The following TET1 variants were observed in gnomAD, a reference collection of about 807,000 sequenced individuals.
The protein encoded by TET1 is methylcytosine dioxygenase TET1.
Under a neutral mutation model 148.7 loss-of-function variants are expected in TET1, and 13 were observed. The ratio of observed to expected loss-of-function variants is 0.09; its 90% CI spans 0.06 to 0.14. The LOEUF is 0.14. TET1 is among the 10% of genes least tolerant of loss of function. TET1 has a pLI of 1.00. For missense variants in TET1, 2,182 were observed against 2,553.8 expected (o/e 0.85, Z 3.14); for synonymous variants, 907 against 937.2 (o/e 0.97, Z 0.59).
chr10:68,676,414 G>T (rs948404658), intron 8 of TET1, among the ~76,000 whole-genome samples: 11 of 150,562 alleles, frequency 7.3e-5, no homozygotes, highest in African/African-American at 2.5e-4. Flanking sequence ...CTCCCAAGTG[G>T]CTGGGACTAC....
intron 6 of TET1, among the ~76,000 whole-genome samples, chr10:68,665,529 T>G (rs1031529984): frequency 6.6e-6 from 1 of 152,182 alleles, no homozygotes; most frequent in Non-Finnish European, 1.5e-5. Context: ...CTCCTAACCA[T>G]TGTGCTTAAT....
At chr10:68,624,619 T>G in intron 3 of TET1, among the ~76,000 whole-genome samples, 1 of 31,274 alleles carries the variant, frequency 3.2e-5, no homozygotes, top group Admixed American at 3.7e-4. Flanking sequence ...TTTCTTTCTT[T>G]CTTTCTTTCT....
chr10:68,687,421 C>G (rs1192349039), intron 11 of TET1, among the ~76,000 whole-genome samples: 1 of 151,994 alleles, frequency 6.6e-6, no homozygotes, highest in South Asian at 2.1e-4. Context: ...TAATTCGAAG[C>G]CCTACTCGTT....
intron 3 of TET1, among the ~76,000 whole-genome samples, chr10:68,607,406 A>C (rs538451919): frequency 9.1e-6 from 1 of 109,776 alleles, no homozygotes; most frequent in Admixed American, 9.5e-5. Context: ...TTTGGATCTT[A>C]AGTTTTTTTT....
intron 6 of TET1, among the ~76,000 whole-genome samples, chr10:68,664,303 A>G (rs1186663776): frequency 6.6e-6 from 1 of 152,140 alleles, no homozygotes; most frequent in African/African-American, 2.4e-5. Flanking sequence ...CGTATATATT[A>G]TGCCAAATAT....
intron 2 of TET1, among the ~76,000 whole-genome samples, chr10:68,596,338 A>G (rs962172739): frequency 6.6e-6 from 1 of 152,216 alleles, no homozygotes; most frequent in East Asian, 1.9e-4. Context: ...ATATATTTTC[A>G]TATTTTTTCT....
chr10:68,585,551 T>G (rs1328357365), intron 2 of TET1, among the ~76,000 whole-genome samples: 1 of 152,178 alleles, frequency 6.6e-6, no homozygotes. Flanking sequence ...CTGGGTAGGC[T>G]TCAATGGTCT....
At chr10:68,661,464 G>C (rs982263640) in intron 6 of TET1, among the ~76,000 whole-genome samples, 5 of 151,240 alleles carry the variant, frequency 3.3e-5, no homozygotes, top group Non-Finnish European at 5.9e-5. Flanking sequence ...TAGCAGTTTG[G>C]GTATACTCAA....
At chr10:68,640,544 C>CTTTCTTTTTTTTTTTTTTTTTT (rs1564985245) in intron 3 of TET1, among the ~76,000 whole-genome samples, 1 of 42,884 alleles carries the variant, frequency 2.3e-5, no homozygotes, top group Non-Finnish European at 3.8e-5. Context: ...TTCTTTCTTT[C>CTTTCTTTTTTTTTTTTTTTTTT]TTTTTTTTTT....
rs752884644 is a variant in TET1 at position 68,574,166 on chromosome 10, A to G, written c.1828A>G (p.Lys610Glu). 1.5e-4 allele frequency: 249 copies of G among 1,613,732 alleles called. 1 individual carries two copies. The highest frequency in any genetic ancestry group is 2.1e-4 in the Non-Finnish European group (243 of 1,180,040). The change falls in exon 2 of 12, where the codon AAG becomes GAG. Residue 610 changes from lysine to glutamate, a missense_variant. Lys to Glu is a moderately conservative substitution (Grantham distance 56). Around this residue, in one of 11 missense-constraint regions of TET1, gnomAD observed 226 missense variants for 307.4 expected, o/e 0.74. Coordinates refer to ENST00000373644, the MANE Select transcript of TET1 (RefSeq NM_030625.3). ...KTNCGECTYC[K>E]NRKNSHQICK... ...CAACTGTGGTGAATGCACTTACTGC[A>G]AGAACAGAAAGAACAGCCATCAGAT... is the stretch of plus-strand genomic sequence containing the variant.
chr10:68,621,413 G>A (rs551958089), intron 3 of TET1, among the ~76,000 whole-genome samples: 8 of 151,674 alleles, frequency 5.3e-5, no homozygotes, highest in South Asian at 2.1e-4. Flanking sequence ...GTGAAACCCC[G>A]TATTTACTAA....
At chr10:68,683,429 C>T (rs1362471944) in intron 10 of TET1, among the ~76,000 whole-genome samples, 3 of 152,152 alleles carry the variant, frequency 2.0e-5, no homozygotes, top group Non-Finnish European at 2.9e-5. Context: ...CAGGCGCCCA[C>T]GACCACACCC....
chr10:68,624,641 T>TC (rs2054434344), intron 3 of TET1, among the ~76,000 whole-genome samples: 1 of 48,762 alleles, frequency 2.1e-5, no homozygotes, highest in African/African-American at 1.4e-4. Flanking sequence ...TCTTTCTTTC[T>TC]TTCTTTCTTT....
At chr10:68,630,145 A>G (rs1038313117) in intron 3 of TET1, among the ~76,000 whole-genome samples, 1 of 152,196 alleles carries the variant, frequency 6.6e-6, no homozygotes, top group Non-Finnish European at 1.5e-5. Flanking sequence ...CACGGGCTGG[A>G]TGGAAGAGGT....
chr10:68,674,906 G>A, intron 8 of TET1: 1 of 387,726 alleles, frequency 2.6e-6, no homozygotes, highest in Non-Finnish European at 4.9e-6. Flanking sequence ...AAAAGACATA[G>A]AAAAAATTCT....
intron 2 of TET1, among the ~76,000 whole-genome samples, chr10:68,596,396 C>T (rs1408034009): frequency 6.6e-6 from 1 of 152,034 alleles, no homozygotes; most frequent in African/African-American, 2.4e-5. Context: ...AAGTTCTAAC[C>T]TGCTGTGCAA....
intron 3 of TET1, among the ~76,000 whole-genome samples, chr10:68,641,946 A>G (rs568109758): frequency 6.6e-6 from 1 of 152,316 alleles, no homozygotes; most frequent in South Asian, 2.1e-4. Context: ...CTACAGGTTC[A>G]TGCCACTGCA....
intron 4 of TET1, among the ~76,000 whole-genome samples, chr10:68,647,786 G>A (rs374425026): frequency 3.3e-5 from 5 of 152,154 alleles, no homozygotes; most frequent in African/African-American, 7.2e-5. Flanking sequence ...ATAGCTGGCA[G>A]TTGCCGTCCT....
At position 68,640,544 on chromosome 10, in the gene TET1, CTTTT is replaced by C. The variant is rs60460824; in HGVS notation, c.1969-4132_1969-4129del. Among the ~76,000 whole-genome samples the C allele has an allele frequency of 9.6e-3, 413 of 42,824 alleles. 1 individual carries two copies. Among genetic ancestry groups the C allele is most frequent in the African/African-American group, 0.036 (365 of 10,174 alleles). The allele number at this position is 42,824 out of a possible 152,430, so 28.1% of individuals were successfully genotyped here. Reference sequence around the variant, plus strand: ...AAATATTCTTTTTCTTTCTTTCTTTCTTTTTTTTTTTTTTTTTTTTTTTTTGAGA... The same window carrying C: ...AAATATTCTTTTTCTTTCTTTCTTTCTTTTTTTTTTTTTTTTTTTTTGAGA... On this transcript the variant is annotated intron_variant, in intron 3 of 11. Transcript: ENST00000373644.
Sources: allele counts gnomAD v4.1 joint callset (sites outside exome capture counted in the v4.1 genomes callset), GRCh38; gene constraint gnomAD v4.1.1; regional missense constraint gnomAD v4.1.1; transcripts MANE v1.5; gene names NCBI Gene and HGNC (gene_info 2026-07-23, HGNC 2026-07-21).